PCNX1: variants seen among roughly 807,000 people sequenced by gnomAD.
The protein encoded by PCNX1 is pecanex-like protein 1.
PCNX1 carries 78 observed loss-of-function variants against 242.2 expected under a neutral mutation model. That is an observed-to-expected ratio of 0.32 (90% CI 0.27 to 0.39). PCNX1 has a LOEUF of 0.39. Among genes scored for constraint, PCNX1 ranks in the 10% least tolerant of loss-of-function variants. The pLI is 1.00. For missense variants in PCNX1, 2,581 were observed against 2,856.5 expected, an observed-to-expected ratio of 0.90 and a Z score of 2.20; for synonymous variants, 1,024 against 1,032.9, an observed-to-expected ratio of 0.99 and a Z score of 0.17.
intron 26 of PCNX1, among the ~76,000 whole-genome samples, chr14:71,068,587 C>CGTGTGTGTGT (rs905951215): frequency 1.2e-5 from 1 of 85,514 alleles, no homozygotes; most frequent in African/African-American, 5.6e-5. Flanking sequence ...TTTGTATGTA[C>CGTGTGTGTGT]GTGCGTGTGT....
At chr14:71,097,602 A>G (rs1389335856) in intron 30 of PCNX1, among the ~76,000 whole-genome samples, 1 of 152,104 alleles carries the variant, frequency 6.6e-6, no homozygotes, top group Non-Finnish European at 1.5e-5. Flanking sequence ...TTTGAGGAGC[A>G]TCTGTTCTTA....
intron 7 of PCNX1, among the ~76,000 whole-genome samples, chr14:70,994,300 A>T (rs1344034179): frequency 6.6e-6 from 1 of 151,260 alleles, no homozygotes; most frequent in Admixed American, 6.6e-5. Context: ...TATTAGCAGG[A>T]CCAAGGAACT....
rs1566804053 is a variant in PCNX1, at chr14:70,907,677, G to GCCT, written c.-161_-159dup. The GCCT allele has an allele frequency of 6.9e-6, 5 of 728,460 alleles. No individual in the cohort carries two copies. The highest frequency in any genetic ancestry group is 7.2e-6 in the Non-Finnish European group (4 of 554,676). 45.1% of individuals were successfully genotyped at this position (728,460 alleles called of 1,614,324 possible). ...TCGGGTCTCCTCCTCCTCGTTTGCT[G>GCCT]CCTCCTCCTCCTCCTGCAGCAGCAC... On this transcript the variant is annotated 5_prime_UTR_variant, in exon 1 of 36. Transcript: ENST00000304743.
intron 28 of PCNX1, among the ~76,000 whole-genome samples, chr14:71,085,318 C>T (rs1051750266): frequency 6.6e-6 from 1 of 152,082 alleles, no homozygotes; most frequent in African/African-American, 2.4e-5. Flanking sequence ...GTTTCTTGTT[C>T]TTGAAGTTCA....
Position 70,977,197 on chromosome 14 carries a change from C to T in PCNX1, c.860C>T (p.Ser287Phe). ...CGGCCGCGAGGTGTACCACGGACTT[C>T]TAGCTCTGCTGTGGCTTTTCCAGAC... ...DHRPRGVPRT[S>F]SSAVAFPDTS... Residue 287 changes from serine to phenylalanine, a missense_variant, in exon 6 of 36, where the codon TCT becomes TTT. Physicochemically the swap from Ser to Phe is radical, Grantham distance 155. Transcript: ENST00000304743. 6.2e-7 allele frequency: 1 copy of T among 1,614,218 alleles called. No homozygotes were observed. Among genetic ancestry groups the T allele is most frequent in the Non-Finnish European group, 8.5e-7 (1 of 1,180,034 alleles).
At chr14:70,927,780 G>C (rs146696652) in intron 1 of PCNX1, among the ~76,000 whole-genome samples, 1,673 of 152,030 alleles carry the variant, frequency 0.011, 14 homozygotes, top group South Asian at 0.017. Context: ...AGTAGAGACA[G>C]TTTCACCATG....
chr14:71,040,586 C>G (rs552596308), intron 19 of PCNX1, among the ~76,000 whole-genome samples: 1 of 152,108 alleles, frequency 6.6e-6, no homozygotes, highest in East Asian at 1.9e-4. Context: ...TACTTTGATA[C>G]AGGCATGCAG....
At chr14:71,048,260 A>G (rs2060921151) in intron 22 of PCNX1, among the ~76,000 whole-genome samples, 1 of 152,192 alleles carries the variant, frequency 6.6e-6, no homozygotes, top group Non-Finnish European at 1.5e-5. Context: ...GAATCTCTCA[A>G]AAGGTATATA....
At chr14:70,956,987 T>TTA (rs1566619780) in intron 2 of PCNX1, among the ~76,000 whole-genome samples, 1 of 99,710 alleles carries the variant, frequency 1.0e-5, no homozygotes, top group East Asian at 2.2e-4. Context: ...ATATTTGTTT[T>TTA]TATTATATTA....
chr14:71,043,293 T>G (rs2060764537), intron 19 of PCNX1, among the ~76,000 whole-genome samples: 1 of 152,158 alleles, frequency 6.6e-6, no homozygotes, highest in Non-Finnish European at 1.5e-5. Context: ...CCTCACTGGG[T>G]GAATTGTATT....
chr14:70,952,879 G>A (rs995399990), intron 2 of PCNX1, among the ~76,000 whole-genome samples: 1 of 152,152 alleles, frequency 6.6e-6, no homozygotes, highest in African/African-American at 2.4e-5. Flanking sequence ...CACCGGTAGT[G>A]TATGAAAGTC....
chr14:70,996,485 A>C (rs932503857), intron 8 of PCNX1, among the ~76,000 whole-genome samples: 3 of 152,148 alleles, frequency 2.0e-5, no homozygotes, highest in African/African-American at 7.2e-5. Context: ...TGTTCTTGTC[A>C]ATATATCTAT....
At chr14:71,058,657 A>G (rs971016443) in intron 26 of PCNX1, among the ~76,000 whole-genome samples, 2 of 152,224 alleles carry the variant, frequency 1.3e-5, no homozygotes, top group Non-Finnish European at 2.9e-5. Context: ...CTGGTGTTGC[A>G]TAAGAAGGCT....
Position 71,108,925 on chromosome 14 carries a change from T to C in PCNX1, c.6623T>C (p.Leu2208Pro). Residue 2208 changes from leucine (L) to proline (P), a missense_variant, in exon 34 of 36, where the codon CTC becomes CCC. Leu to Pro is a moderately conservative substitution (Grantham distance 98, BLOSUM62 -3). Coordinates refer to ENST00000304743, the MANE Select transcript of PCNX1 (RefSeq NM_014982.3). ...ATCCCAGCCTGCAAACATCACACTCTCGTGGGCTTTCTTGCGACAGAGGGA... is the reference window on the plus strand; with the variant it reads ...ATCCCAGCCTGCAAACATCACACTCCCGTGGGCTTTCTTGCGACAGAGGGA... ...QSIPACKHHT[L>P]VGFLATEGGQ... The C allele has an allele frequency of 6.2e-7, 1 of 1,614,178 alleles. No individual in the cohort carries two copies. Among genetic ancestry groups the C allele is most frequent in the Non-Finnish European group, 8.5e-7 (1 of 1,180,022 alleles).
intron 22 of PCNX1, among the ~76,000 whole-genome samples, chr14:71,049,981 A>T (rs1282172440): frequency 1.3e-5 from 2 of 152,222 alleles, no homozygotes; most frequent in Non-Finnish European, 2.9e-5. Context: ...GATGCCTGGT[A>T]TACACAACTA....
chr14:71,024,805 G>A (rs1013226600), intron 13 of PCNX1, among the ~76,000 whole-genome samples: 1 of 152,114 alleles, frequency 6.6e-6, no homozygotes, highest in Non-Finnish European at 1.5e-5. Flanking sequence ...GATGCTGGTA[G>A]CACCACTTCC....
At chr14:71,045,457 T>C (rs1007961823) in intron 20 of PCNX1, among the ~76,000 whole-genome samples, 174 bp downstream of exon 20, 1 of 152,308 alleles carries the variant, frequency 6.6e-6, no homozygotes, top group African/African-American at 2.4e-5. Flanking sequence ...TTAATTTAGC[T>C]GAAATATGAG....
rs114752710 is a variant in PCNX1 at position 71,099,963 on chromosome 14, A to G, written c.5590-2027A>G. ...ACTTTGCACCTATGAGTGTCATTGCATGTGAGATGGGTCTCTTGAAGAGAC... is the reference window on the plus strand; with the variant it reads ...ACTTTGCACCTATGAGTGTCATTGCGTGTGAGATGGGTCTCTTGAAGAGAC... On this transcript the variant is annotated intron_variant, in intron 30 of 35. Transcript: ENST00000304743. 6.3e-3 allele frequency among the ~76,000 whole-genome samples: 955 copies of G among 152,044 alleles called. 8 individuals carry two copies. Among genetic ancestry groups the G allele is most frequent in the African/African-American group, 0.022 (921 of 41,446 alleles).
chr14:70,928,479 T>A (rs1031636218), intron 1 of PCNX1, among the ~76,000 whole-genome samples: 1 of 152,204 alleles, frequency 6.6e-6, no homozygotes, highest in African/African-American at 2.4e-5. Context: ...ATTTAGAAAT[T>A]CAGTGTTTAT....
Sources: allele counts gnomAD v4.1 joint callset (sites outside exome capture counted in the v4.1 genomes callset), GRCh38; gene constraint gnomAD v4.1.1; transcripts MANE v1.5; gene names NCBI Gene and HGNC (gene_info 2026-07-23, HGNC 2026-07-21).